ZSWIM6: variants seen among roughly 807,000 people sequenced by gnomAD.
ZSWIM6 encodes the protein zinc finger SWIM domain-containing protein 6.
A neutral mutation model predicts 113.2 loss-of-function variants in ZSWIM6; 9 were observed. That is an observed-to-expected ratio of 0.08 (90% CI 0.05 to 0.14). The LOEUF is 0.14. Ranked by LOEUF, ZSWIM6 falls within the 10% of genes least tolerant of loss-of-function variation. The pLI, the probability that ZSWIM6 is intolerant of heterozygous loss-of-function variation, is 1.00. For missense variants in ZSWIM6, 1,162 were observed against 1,552.2 expected (o/e 0.75, Z 4.22); for synonymous variants, 611 against 606.5 (o/e 1.01, Z -0.11).
chr5:61,397,021 GACTT>G (rs1745850687), intron 1 of ZSWIM6, among the ~76,000 whole-genome samples: 1 of 152,178 alleles, frequency 6.6e-6, no homozygotes, highest in Non-Finnish European at 1.5e-5. Context: ...AGAGGGTAAT[GACTT>G]ACCCATGATT....
chr5:61,418,753 T>A (rs1746301492), intron 1 of ZSWIM6, among the ~76,000 whole-genome samples: 1 of 152,248 alleles, frequency 6.6e-6, no homozygotes. Context: ...GATAAAGTGT[T>A]ATTATTAGAG....
chr5:61,375,205 G>T, intron 1 of ZSWIM6: 1 of 1,613,374 alleles, frequency 6.2e-7, no homozygotes, highest in East Asian at 2.2e-5. Context: ...AACAATACAG[G>T]ATTATCTGAA....
chr5:61,333,411 C>G (rs1044781668), intron 1 of ZSWIM6, among the ~76,000 whole-genome samples: 1 of 151,908 alleles, frequency 6.6e-6, no homozygotes, highest in African/African-American at 2.4e-5. Context: ...CGCTCCCCCC[C>G]TCTCCCACTG....
At chr5:61,441,986 A>G (rs1437228141) in intron 1 of ZSWIM6, among the ~76,000 whole-genome samples, 1 of 152,170 alleles carries the variant, frequency 6.6e-6, no homozygotes, top group East Asian at 1.9e-4. Flanking sequence ...TTTCTGATGG[A>G]CTAAAATTAA....
At chr5:61,348,240 A>C (rs1234007273) in intron 1 of ZSWIM6, among the ~76,000 whole-genome samples, 3 of 152,124 alleles carry the variant, frequency 2.0e-5, no homozygotes, top group Non-Finnish European at 4.4e-5. Flanking sequence ...AAACAAAAGC[A>C]AGATTTAAAA....
intron 5 of ZSWIM6, among the ~76,000 whole-genome samples, chr5:61,524,508 A>G (rs1249470549): frequency 6.6e-6 from 1 of 152,186 alleles, no homozygotes. Context: ...AATTTTCAGT[A>G]AGGATATCTG....
intron 1 of ZSWIM6, among the ~76,000 whole-genome samples, chr5:61,420,643 A>G (rs985251479): frequency 3.3e-5 from 5 of 152,084 alleles, no homozygotes; most frequent in Non-Finnish European, 7.4e-5. Flanking sequence ...TGATTTGATA[A>G]TTGATTATAA....
intron 1 of ZSWIM6, among the ~76,000 whole-genome samples, chr5:61,442,652 C>T (rs947056892): frequency 1.3e-5 from 2 of 152,206 alleles, no homozygotes; most frequent in African/African-American, 2.4e-5. Flanking sequence ...TTGCTGGAAC[C>T]TATCACAAGG....
At chr5:61,383,010 C>T (rs1745517263) in intron 1 of ZSWIM6, among the ~76,000 whole-genome samples, 1 of 152,064 alleles carries the variant, frequency 6.6e-6, no homozygotes, top group Non-Finnish European at 1.5e-5. Flanking sequence ...AGGTGAAGTT[C>T]CTTTAATTTC....
At chr5:61,486,754 G>A (rs1748031286) in intron 2 of ZSWIM6, among the ~76,000 whole-genome samples, 1 of 152,010 alleles carries the variant, frequency 6.6e-6, no homozygotes, top group Non-Finnish European at 1.5e-5. Flanking sequence ...TTTGAAAAAT[G>A]TCTCATGTCT....
In ZSWIM6 at chr5:61,526,160, G is replaced by A. The variant is rs1749276661; in HGVS notation, c.1691-90G>A. 3.4e-6 allele frequency: 5 copies of A among 1,458,142 alleles called. No individual in the cohort carries two copies. In the South Asian group the frequency reaches 5.7e-5, roughly 17 times the overall value. 90.3% of individuals were successfully genotyped at this position (1,458,142 alleles called of 1,614,324 possible). ...AATGGTTTCTTGTGTCTTTTTAATA[G>A]TATTTTGGGAGAAACATCTTACTAT... On this transcript the variant is annotated intron_variant, in intron 6 of 13. Transcript: ENST00000252744.
chr5:61,386,055 C>T (rs1235781906), intron 1 of ZSWIM6, among the ~76,000 whole-genome samples: 1 of 152,182 alleles, frequency 6.6e-6, no homozygotes, highest in African/African-American at 2.4e-5. Flanking sequence ...ATATTTGAGG[C>T]CTAATCTGCA....
intron 1 of ZSWIM6, among the ~76,000 whole-genome samples, chr5:61,451,478 A>G (rs1747085969): frequency 6.6e-6 from 1 of 152,310 alleles, no homozygotes; most frequent in Non-Finnish European, 1.5e-5. Flanking sequence ...TACTTGGAGT[A>G]CTAAGTTAAC....
intron 1 of ZSWIM6, among the ~76,000 whole-genome samples, chr5:61,379,682 TTGCACTCAC>T (rs1454201391): frequency 6.6e-6 from 1 of 152,172 alleles, no homozygotes; most frequent in Non-Finnish European, 1.5e-5. Context: ...TAAATTTTAT[TTGCACTCAC>T]TGTTTATGGA....
At chr5:61,403,932 A>G (rs1745991675) in intron 1 of ZSWIM6, among the ~76,000 whole-genome samples, 1 of 152,146 alleles carries the variant, frequency 6.6e-6, no homozygotes, top group African/African-American at 2.4e-5. Flanking sequence ...GTTTAACTGT[A>G]GTCTTGTCTT....
intron 1 of ZSWIM6, among the ~76,000 whole-genome samples, chr5:61,421,025 T>C (rs1746345082): frequency 6.6e-6 from 1 of 152,094 alleles, no homozygotes; most frequent in Admixed American, 6.5e-5. Context: ...GTTCAAGCAG[T>C]GCTCATGTCT....
chr5:61,349,594 TC>T (rs1377516676), intron 1 of ZSWIM6, among the ~76,000 whole-genome samples: 1 of 152,096 alleles, frequency 6.6e-6, no homozygotes, highest in East Asian at 1.9e-4. Context: ...GTGTAGGGTT[TC>T]TTTTTTTTTT....
At chr5:61,343,414 A>C (rs887414763) in intron 1 of ZSWIM6, among the ~76,000 whole-genome samples, 1 of 152,232 alleles carries the variant, frequency 6.6e-6, no homozygotes, top group East Asian at 1.9e-4. Flanking sequence ...AATATACATG[A>C]GAAGATACCA....
intron 2 of ZSWIM6, among the ~76,000 whole-genome samples, chr5:61,479,380 A>G (rs1226625444): frequency 6.6e-6 from 1 of 152,100 alleles, no homozygotes; most frequent in African/African-American, 2.4e-5. Flanking sequence ...GAATGCAAAA[A>G]CAGCCAGGTT....
Sources: gnomAD v4.1 joint callset for allele counts (sites outside exome capture counted in the v4.1 genomes callset) on GRCh38, gnomAD v4.1.1 for gene constraint, MANE v1.5 for transcripts, NCBI Gene and HGNC (gene_info 2026-07-23, HGNC 2026-07-21) for gene names.